The following LMBRD1 variants were observed in gnomAD, a reference collection of about 807,000 sequenced individuals.
LMBRD1 encodes the protein LMBR1 domain containing 1.
Under a neutral mutation model 74.8 loss-of-function variants are expected in LMBRD1, and 64 were observed. The ratio of observed to expected loss-of-function variants is 0.86; its 90% confidence interval spans 0.70 to 1.05. LMBRD1 has a LOEUF of 1.05. Ranked by LOEUF, LMBRD1 falls within the 50% of genes least tolerant of loss-of-function variation. The pLI is 0.00. For missense variants in LMBRD1, 652 were observed against 645.9 expected, an observed-to-expected ratio of 1.01 and a Z score of -0.10; for synonymous variants, 204 against 216.3, an observed-to-expected ratio of 0.94 and a Z score of 0.50.
intron 9 of LMBRD1, among the ~76,000 whole-genome samples, chr6:69,712,826 GGTACATA>G (rs1203876021): frequency 6.6e-6 from 1 of 151,920 alleles, no homozygotes; most frequent in Non-Finnish European, 1.5e-5. Flanking sequence ...AATAATATGT[GGTACATA>G]TAAAATCTTA....
chr6:69,737,615 TATA>T (rs1171751138), intron 7 of LMBRD1, among the ~76,000 whole-genome samples: 3 of 150,068 alleles, frequency 2.0e-5, no homozygotes, highest in African/African-American at 4.9e-5. Flanking sequence ...TTAATATGCT[TATA>T]AATCTATAGG....
intron 2 of LMBRD1, among the ~76,000 whole-genome samples, chr6:69,782,594 T>C (rs192777173): frequency 6.6e-6 from 1 of 152,098 alleles, no homozygotes; most frequent in Admixed American, 6.6e-5. Context: ...GGAATGAGAA[T>C]TGCTTTAACT....
chr6:69,720,832 G>A (rs1373370663), intron 7 of LMBRD1, among the ~76,000 whole-genome samples: 2 of 152,166 alleles, frequency 1.3e-5, no homozygotes, highest in African/African-American at 4.8e-5. Flanking sequence ...GCATTGAGGA[G>A]GTCAGGAGAG....
At chr6:69,760,460 G>A (rs1444055011) in intron 3 of LMBRD1, among the ~76,000 whole-genome samples, 1 of 152,126 alleles carries the variant, frequency 6.6e-6, no homozygotes, top group Non-Finnish European at 1.5e-5. Flanking sequence ...AATGGCATCA[G>A]GAAAAACACA....
At chr6:69,783,563 C>G (rs930467223) in intron 2 of LMBRD1, among the ~76,000 whole-genome samples, 1 of 152,084 alleles carries the variant, frequency 6.6e-6, no homozygotes, top group Non-Finnish European at 1.5e-5. Context: ...TTTGTAGAGA[C>G]TGGGTTTCAC....
intron 7 of LMBRD1, among the ~76,000 whole-genome samples, chr6:69,724,835 C>T (rs753527285): frequency 3.3e-5 from 5 of 151,908 alleles, no homozygotes; most frequent in Middle Eastern, 3.2e-3. Context: ...ACTTTCAACA[C>T]TGCTATTCAA....
intron 12 of LMBRD1, 66 bp downstream of exon 12, chr6:69,700,699 A>G (rs1250897571): frequency 9.1e-7 from 1 of 1,093,918 alleles, no homozygotes; most frequent in Non-Finnish European, 1.3e-6. Flanking sequence ...AATCTAAGAT[A>G]ATTTGTAATT....
chr6:69,752,123 T>C (rs1003870849), intron 4 of LMBRD1, 136 bp downstream of exon 4: 8 of 777,020 alleles, frequency 1.0e-5, no homozygotes, highest in Non-Finnish European at 1.6e-5. Context: ...CTGTTTCTTT[T>C]TATTTTAATT....
At chr6:69,735,885 C>T (rs1766966517) in intron 7 of LMBRD1, among the ~76,000 whole-genome samples, 1 of 152,202 alleles carries the variant, frequency 6.6e-6, no homozygotes, top group Non-Finnish European at 1.5e-5. Flanking sequence ...TTTTACTACT[C>T]CCCCTTGTCA....
rs746286824 is a variant in LMBRD1, at chr6:69,713,594, T to C, written c.915+51A>G. On this transcript the variant is annotated intron_variant, in intron 9 of 15. Transcript: ENST00000649934. ...AGAGCTCAATCTCTCCAAGAGGTACTACATAAACTTGGGGAAGAGTGACAG... is the reference window on the plus strand; with the variant it reads ...AGAGCTCAATCTCTCCAAGAGGTACCACATAAACTTGGGGAAGAGTGACAG... The C allele has an allele frequency of 8.2e-6, 13 of 1,581,804 alleles. No homozygotes were observed. In the Admixed American group the frequency reaches 1.7e-4, roughly 20 times the overall value.
In LMBRD1 at chr6:69,701,463, G is replaced by T; in HGVS notation, c.1063C>A (p.Leu355Ile). 3 of 1,596,988 alleles carry T rather than the reference G, an allele frequency of 1.9e-6. No individual in the cohort carries two copies. Among genetic ancestry groups the T allele is most frequent in the Non-Finnish European group, 2.6e-6 (3 of 1,165,908 alleles). The change falls in exon 11 of 16, where the codon CTT becomes ATT. Residue 355 changes from leucine to isoleucine, a missense_variant. This residue lies in a region of LMBRD1 where 598 missense variants were observed against 581.8 expected (regional missense o/e 1.03). Transcript: ENST00000649934. ...CTTACTGTTTGTAGTAAAGGCAAAA[G>T]CATATTCAGTGGATTACTCAGGTTA... ...GANLSNPLNM[L>I]LPLLQTVFPL...
intron 1 of LMBRD1, among the ~76,000 whole-genome samples, chr6:69,795,142 C>A (rs909516890): frequency 6.6e-6 from 1 of 152,218 alleles, no homozygotes; most frequent in African/African-American, 2.4e-5. Flanking sequence ...AAGAAACCAG[C>A]CTTTCTTCTA....
At position 69,789,240 on chromosome 6, in the gene LMBRD1, TG is replaced by T. The variant is rs1766027836; in HGVS notation, c.246+1055del. 2.0e-5 allele frequency among the ~76,000 whole-genome samples: 3 copies of T among 152,318 alleles called. 1 individual carries two copies. The South Asian group carries it at 6.2e-4, about 32-fold the overall frequency. The stretch of plus-strand genomic sequence containing the variant: ...ATATTTTCAAATTATTTACCCCATT[TG>T]GACCAGGGATCGTGGCTCATGCCTG... On this transcript the variant is annotated intron_variant, in intron 2 of 15. Transcript: ENST00000649934.
At position 69,701,766 on chromosome 6, in the gene LMBRD1, A is replaced by G. The variant is rs924433939; in HGVS notation, c.980+123T>C. 57 of 744,706 alleles carry G rather than the reference A, an allele frequency of 7.7e-5. No homozygotes were observed. The African/African-American group carries it at 8.7e-4, about 11-fold the overall frequency. 46.1% of individuals were successfully genotyped at this position (744,706 alleles called of 1,614,324 possible). A position where few individuals can be genotyped will look rare whatever the true frequency, so the allele number is the denominator to read the frequency against. Reference sequence around the variant, plus strand: ...TAGCCATTCTTTGAGTTAATGCTATAGAACACTTCAAGTAAAAAAGCTACT... The same window carrying G: ...TAGCCATTCTTTGAGTTAATGCTATGGAACACTTCAAGTAAAAAAGCTACT... On this transcript the variant is annotated intron_variant, in intron 10 of 15. Transcript: ENST00000649934.
chr6:69,756,463 T>C (rs1429136398), intron 3 of LMBRD1, among the ~76,000 whole-genome samples: 2 of 151,926 alleles, frequency 1.3e-5, no homozygotes, highest in Admixed American at 6.6e-5. Flanking sequence ...AAAGTAAATC[T>C]AAATGGCTAA....
chr6:69,786,653 A>T (rs1562126745), intron 2 of LMBRD1, among the ~76,000 whole-genome samples: 1 of 152,156 alleles, frequency 6.6e-6, no homozygotes, highest in African/African-American at 2.4e-5. Context: ...GAAACAAATT[A>T]TCTAGCTAAA....
chr6:69,741,080 C>T (rs1767091151), intron 6 of LMBRD1, among the ~76,000 whole-genome samples: 2 of 151,920 alleles, frequency 1.3e-5, no homozygotes. Context: ...TAATCTCAAA[C>T]AAAAACATAA....
At chr6:69,718,436 A>G (rs766996287) in intron 8 of LMBRD1, among the ~76,000 whole-genome samples, 1 of 152,200 alleles carries the variant, frequency 6.6e-6, no homozygotes, top group Non-Finnish European at 1.5e-5. Context: ...ATTTTTAAAA[A>G]TATAGACATG....
At chr6:69,727,233 G>C (rs549122444) in intron 7 of LMBRD1, among the ~76,000 whole-genome samples, 1 of 152,274 alleles carries the variant, frequency 6.6e-6, no homozygotes, top group South Asian at 2.1e-4. Flanking sequence ...GTATATAAAT[G>C]CTTGACAGAA....
Sources: gnomAD v4.1 joint callset for allele counts (sites outside exome capture counted in the v4.1 genomes callset) on GRCh38, gnomAD v4.1.1 for gene constraint, gnomAD v4.1.1 regional missense constraint, MANE v1.5 for transcripts, NCBI Gene and HGNC (gene_info 2026-07-23, HGNC 2026-07-21) for gene names.